Variants in DDX60 observed in about 807,000 individuals in gnomAD.
DDX60 encodes the protein DExD/H-box helicase 60.
A neutral mutation model predicts 212.8 loss-of-function variants in DDX60; 165 were observed. The observed-to-expected ratio is 0.78, with a 90% CI of 0.68 to 0.88. The LOEUF is 0.88. Among genes scored for constraint, DDX60 ranks in the 40% least tolerant of loss-of-function variants. The pLI, the probability that DDX60 is intolerant of heterozygous loss-of-function variation, is 0.00. For synonymous variants in DDX60, 703 were observed against 685.3 expected, an observed-to-expected ratio of 1.03 and a Z score of -0.40; for missense variants, 1,905 against 2,003.9, an observed-to-expected ratio of 0.95 and a Z score of 0.94.
intron 16 of DDX60, among the ~76,000 whole-genome samples, chr4:168,275,048 C>CAA (rs1735272874): frequency 6.6e-6 from 1 of 152,126 alleles, no homozygotes; most frequent in Admixed American, 6.5e-5. Flanking sequence ...ATCCTATTGA[C>CAA]ACACGGAAAA....
In DDX60 at chr4:168,311,292, G is replaced by A; in HGVS notation, c.-33C>T. On this transcript the variant is annotated 5_prime_UTR_variant, in exon 2 of 38. Coordinates refer to ENST00000393743, the MANE Select transcript of DDX60 (RefSeq NM_017631.6). Reference sequence around the variant, plus strand: ...GCTGCCTGTGCCTCCAACCTGAACTGGCAAGTATTAAAGGTAGCAAATACC... The same window carrying A: ...GCTGCCTGTGCCTCCAACCTGAACTAGCAAGTATTAAAGGTAGCAAATACC... 1 of 1,612,034 alleles carries A rather than the reference G, an allele frequency of 6.2e-7. No homozygotes were observed. Among genetic ancestry groups the A allele is most frequent in the Non-Finnish European group, 8.5e-7 (1 of 1,179,064 alleles).
chr4:168,270,986 T>G (rs1184764768), intron 19 of DDX60, among the ~76,000 whole-genome samples: 4 of 150,882 alleles, frequency 2.7e-5, no homozygotes, highest in African/African-American at 9.8e-5. Context: ...CAAGTGGTTC[T>G]CCTGCCTCAG....
chr4:168,234,621 T>C (rs1733568582), intron 33 of DDX60, among the ~76,000 whole-genome samples: 1 of 152,098 alleles, frequency 6.6e-6, no homozygotes, highest in Non-Finnish European at 1.5e-5. Context: ...TTATAATCCT[T>C]ATATGTTAAT....
At chr4:168,259,018 T>C (rs1238846762) in intron 25 of DDX60, among the ~76,000 whole-genome samples, 1 of 152,184 alleles carries the variant, frequency 6.6e-6, no homozygotes, top group Non-Finnish European at 1.5e-5. Context: ...GTCACATTTT[T>C]CACAATTTAC....
In DDX60 at chr4:168,221,729, C is replaced by T. The variant is rs371080527; in HGVS notation, c.4976+1G>A. 24 of 1,604,748 alleles carry T rather than the reference C, an allele frequency of 1.5e-5. No individual in the cohort carries two copies. The highest frequency in any genetic ancestry group is 3.3e-5 in the South Asian group (3 of 90,202). ...AACAGAGACAGACAGAGAGGACATA[C>T]CTGTTATCCTGGACTAATCCTATCA... On this transcript the variant is annotated splice_donor_variant, in intron 36 of 37. Coordinates refer to ENST00000393743, the MANE Select transcript of DDX60 (RefSeq NM_017631.6). LOFTEE classifies it high-confidence loss of function.
intron 35 of DDX60, among the ~76,000 whole-genome samples, chr4:168,223,418 A>C (rs1733134363): frequency 6.6e-6 from 1 of 152,052 alleles, no homozygotes. Context: ...TATGGAAAGA[A>C]AATGTGAGTT....
intron 25 of DDX60, 74 bp from the exon 26 acceptor site, chr4:168,255,943 C>A: frequency 6.9e-7 from 1 of 1,441,188 alleles, no homozygotes; most frequent in South Asian, 1.4e-5. Context: ...CCATCTACTA[C>A]TATCATCCCG....
intron 30 of DDX60, among the ~76,000 whole-genome samples, chr4:168,238,430 AAG>A (rs1733714971): frequency 2.4e-3 from 4 of 1,698 alleles, no homozygotes; most frequent in Non-Finnish European, 6.3e-3. Flanking sequence ...GAGGGAAGGG[AAG>A]GGAAGGGAAG....
intron 29 of DDX60, 53 bp downstream of exon 29, chr4:168,248,135 G>T: frequency 1.7e-6 from 2 of 1,209,040 alleles, no homozygotes; most frequent in South Asian, 1.4e-5. Flanking sequence ...GTTTTACTAC[G>T]CTATGGCCAT....
At position 168,241,599 on chromosome 4, in the gene DDX60, G is replaced by A. The variant is rs539218191; in HGVS notation, c.4165-3804C>T. Reference sequence around the variant, plus strand: ...CTGCCTGAGAGATTTATGGAACTTCGAACTTGAGAGAGATGATTTAGGGTA... The same window carrying A: ...CTGCCTGAGAGATTTATGGAACTTCAAACTTGAGAGAGATGATTTAGGGTA... On this transcript the variant is annotated intron_variant, in intron 30 of 37. Coordinates refer to ENST00000393743, the MANE Select transcript of DDX60 (RefSeq NM_017631.6). Among the ~76,000 whole-genome samples the A allele has an allele frequency of 5.9e-5, 9 of 152,238 alleles. No homozygotes were observed. In the South Asian group the frequency reaches 6.2e-4, roughly 11 times the overall value.
intron 1 of DDX60, among the ~76,000 whole-genome samples, chr4:168,317,742 A>G (rs1400208404): frequency 6.6e-6 from 1 of 152,170 alleles, no homozygotes; most frequent in Admixed American, 6.5e-5. Flanking sequence ...AGAGGCTTAT[A>G]CCTTCTTTAA....
At position 168,276,027 on chromosome 4, in the gene DDX60, T is replaced by C. The variant is rs1735320029; in HGVS notation, c.2133A>G (p.Leu711=). 1 of 1,611,626 alleles carries C rather than the reference T, an allele frequency of 6.2e-7. No homozygotes were observed. The highest frequency in any genetic ancestry group is 8.5e-7 in the Non-Finnish European group (1 of 1,178,462). Residue 711 remains leucine (L), a synonymous_variant, in exon 15 of 38, where the codon TTA becomes TTG. Coordinates refer to ENST00000393743, the MANE Select transcript of DDX60 (RefSeq NM_017631.6). ...CTGATAATATTACCTGGGCTGGATG[T>C]AAAGAACTTGCCAACTCATCAAATC... ...YLGFDELASS[L]HPAQDAENDV... is the part of the protein sequence containing the mutation.
rs963556173 is a variant in DDX60 at position 168,255,730 on chromosome 4, T to C, written c.3538A>G (p.Ile1180Val). The C allele has an allele frequency of 5.7e-6, 9 of 1,591,540 alleles. No individual in the cohort carries two copies. The highest frequency in any genetic ancestry group is 7.7e-6 in the Non-Finnish European group (9 of 1,174,384). ...ACTTACATGATCTTTTGTTTCTCTA[T>C]GGATTTTTTAACTTTTCGAAGTTTG... ...ANKLRKVKKS[I>V]EKQKIIDEKS... The change falls in exon 26 of 38, where the codon ATA (isoleucine) becomes GTA (valine). Residue 1180 changes from isoleucine to valine, a missense_variant. Transcript: ENST00000393743.
chr4:168,285,991 A>AGGGAGGG (rs1735828552), intron 10 of DDX60, among the ~76,000 whole-genome samples: 1 of 104,764 alleles, frequency 9.5e-6, no homozygotes, highest in South Asian at 3.4e-4. Context: ...AGAAAGAAAG[A>AGGGAGGG]AAGAAAGAAA....
intron 22 of DDX60, among the ~76,000 whole-genome samples, chr4:168,266,509 C>T (rs1041591432): frequency 6.6e-6 from 1 of 152,164 alleles, no homozygotes; most frequent in Non-Finnish European, 1.5e-5. Flanking sequence ...AGAAAGATTA[C>T]ATCTAGCTAA....
At position 168,246,408 on chromosome 4, in the gene DDX60, A is replaced by G. The variant is rs753914139; in HGVS notation, c.4164+10T>C. The G allele has an allele frequency of 6.2e-7, 1 of 1,613,672 alleles. No individual in the cohort carries two copies. The highest frequency in any genetic ancestry group is 1.1e-5 in the South Asian group (1 of 91,056). On this transcript the variant is annotated intron_variant, in intron 30 of 37. Transcript: ENST00000393743. ...GAAGACTGAACCTCAGGCAGTGTCC[A>G]GCACGGTACCTTTGCCTTGGCATCC...
intron 7 of DDX60, among the ~76,000 whole-genome samples, chr4:168,292,229 G>A (rs764542466): frequency 3.3e-5 from 5 of 151,658 alleles, no homozygotes; most frequent in South Asian, 4.2e-4. Context: ...TGTATTTTTA[G>A]TAGAGGCACT....
At chr4:168,277,040 A>G (rs532990887) in intron 14 of DDX60, among the ~76,000 whole-genome samples, 1 of 152,360 alleles carries the variant, frequency 6.6e-6, no homozygotes, top group South Asian at 2.1e-4. Flanking sequence ...CAAAACTGAC[A>G]GATCAACTAG....
chr4:168,238,263 A>G (rs1733704212), intron 30 of DDX60, among the ~76,000 whole-genome samples: 2 of 140,350 alleles, frequency 1.4e-5, no homozygotes, highest in Non-Finnish European at 3.1e-5. Context: ...AAAAAAACCC[A>G]GCATCACCAA....
Sources: allele counts gnomAD v4.1 joint callset (sites outside exome capture counted in the v4.1 genomes callset), GRCh38; gene constraint gnomAD v4.1.1; transcripts MANE v1.5; gene names NCBI Gene and HGNC (gene_info 2026-07-23, HGNC 2026-07-21).